The following AGPAT3 variants were observed in gnomAD, a reference collection of about 807,000 sequenced individuals.
AGPAT3 encodes 1-acyl-sn-glycerol-3-phosphate acyltransferase gamma.
AGPAT3 carries 5 observed loss-of-function variants against 47.3 expected under a neutral mutation model. That is an observed-to-expected ratio of 0.11 (90% CI 0.06 to 0.22). The LOEUF is 0.22. Among genes scored for constraint, AGPAT3 ranks in the 10% least tolerant of loss-of-function variants. The pLI, the probability that AGPAT3 is intolerant of heterozygous loss-of-function variation, is 1.00. For synonymous variants in AGPAT3, 212 were observed against 208.3 expected, an observed-to-expected ratio of 1.02 and a Z score of -0.15; for missense variants, 315 against 493.0, an observed-to-expected ratio of 0.64 and a Z score of 3.42.
intron 1 of AGPAT3, among the ~76,000 whole-genome samples, chr21:43,896,235 A>G (rs920466608): frequency 6.6e-6 from 1 of 152,244 alleles, no homozygotes; most frequent in Non-Finnish European, 1.5e-5. Context: ...TGAGCATACC[A>G]GGATTTTTGC....
rs538772284 is a variant in AGPAT3 at position 43,932,349 on chromosome 21, G to T, written c.-48-27285G>T. 7.2e-5 allele frequency among the ~76,000 whole-genome samples: 11 copies of T among 152,290 alleles called. No individual in the cohort carries two copies. The highest frequency in any genetic ancestry group is 2.6e-4 in the African/African-American group (11 of 41,556). The stretch of plus-strand genomic sequence containing the variant: ...GTTTCCGATTCCTCGTGTGAGTGAG[G>T]TCGTGCAGGACTTGTCGTTCTGTGA... On this transcript the variant is annotated intron_variant, in intron 2 of 9. Coordinates refer to ENST00000291572, the MANE Select transcript of AGPAT3 (RefSeq NM_020132.5). This position sits in a 1 kb window ranked among gnomAD's most constrained non-coding sequence, Gnocchi z 5.2.
intron 2 of AGPAT3, among the ~76,000 whole-genome samples, chr21:43,905,912 G>A (rs1326679125): frequency 6.6e-6 from 1 of 152,240 alleles, no homozygotes; most frequent in African/African-American, 2.4e-5. Flanking sequence ...TCTGTCAGGT[G>A]CAGGGTGTGG....
chr21:43,959,589 G>A (rs1179856066), intron 2 of AGPAT3, 45 bp from the exon 3 acceptor site: 1 of 1,567,992 alleles, frequency 6.4e-7, no homozygotes, highest in Non-Finnish European at 8.7e-7. Context: ...CTGTGAGGGT[G>A]TGGGCGTGGC....
At chr21:43,915,552 C>T (rs1348462785) in intron 2 of AGPAT3, among the ~76,000 whole-genome samples, 1 of 150,650 alleles carries the variant, frequency 6.6e-6, no homozygotes, top group Non-Finnish European at 1.5e-5. Context: ...GCTGGGATTA[C>T]AGGCATGCAC....
At chr21:43,964,581 GA>G (rs1352091060) in intron 3 of AGPAT3, among the ~76,000 whole-genome samples, 1 of 151,632 alleles carries the variant, frequency 6.6e-6, no homozygotes, top group Non-Finnish European at 1.5e-5. Context: ...AAAAGATAAA[GA>G]AAAAAAGGTA....
intron 2 of AGPAT3, among the ~76,000 whole-genome samples, chr21:43,944,158 C>G (rs1340472357): frequency 1.3e-5 from 2 of 152,274 alleles, no homozygotes; most frequent in Non-Finnish European, 2.9e-5. Context: ...GCATTTCACC[C>G]ACGTGGCAGA....
intron 2 of AGPAT3, chr21:43,947,160 C>G (rs1480982024): frequency 6.6e-6 from 1 of 152,532 alleles, no homozygotes; most frequent in Non-Finnish European, 1.5e-5. Flanking sequence ...CCAGCTCCAC[C>G]TCCTCCCTGC....
chr21:43,944,534 C>T (rs1041583033), intron 2 of AGPAT3, among the ~76,000 whole-genome samples: 1 of 152,262 alleles, frequency 6.6e-6, no homozygotes, highest in African/African-American at 2.4e-5. Flanking sequence ...AAGGCCGCCC[C>T]TCCTCCTAAG....
At chr21:43,976,392 G>C (rs918367586) in intron 7 of AGPAT3, among the ~76,000 whole-genome samples, 1 of 152,170 alleles carries the variant, frequency 6.6e-6, no homozygotes, top group Non-Finnish European at 1.5e-5. Flanking sequence ...TAGAGATGGG[G>C]TTTCACCATG....
Position 43,925,927 on chromosome 21 carries a change from C to T in AGPAT3, c.-49+21908C>T, listed in dbSNP as rs944657625. On this transcript the variant is annotated intron_variant, in intron 2 of 9. Coordinates refer to ENST00000291572, the MANE Select transcript of AGPAT3 (RefSeq NM_020132.5). Reference sequence around the variant, plus strand: ...GAGCTGGCCTCTCTGGTGTGGTGGCCGCCGGCGCCATGTAGCTGCCTGCCC... The same window carrying T: ...GAGCTGGCCTCTCTGGTGTGGTGGCTGCCGGCGCCATGTAGCTGCCTGCCC... Among the ~76,000 whole-genome samples the T allele has an allele frequency of 6.6e-5, 10 of 152,234 alleles. No individual in the cohort carries two copies. The South Asian group carries it at 8.3e-4, about 13-fold the overall frequency.
At chr21:43,980,275 C>CAAAA (rs1223637093) in intron 8 of AGPAT3, among the ~76,000 whole-genome samples, 1 of 54,624 alleles carries the variant, frequency 1.8e-5, no homozygotes, top group African/African-American at 7.1e-5. Context: ...GACTCCATCT[C>CAAAA]AAAAAAAAAA....
intron 1 of AGPAT3, among the ~76,000 whole-genome samples, chr21:43,898,001 C>T (rs905714523): frequency 9.2e-5 from 14 of 152,140 alleles, no homozygotes; most frequent in East Asian, 5.8e-4. Flanking sequence ...CATGGCGGCG[C>T]GCGCCTGCAA....
At chr21:43,968,993 G>A in intron 4 of AGPAT3, 125 bp from the exon 5 acceptor site, 3 of 1,009,792 alleles carry the variant, frequency 3.0e-6, no homozygotes, top group Non-Finnish European at 4.3e-6. Context: ...CAGACCCCCT[G>A]AGCCACAAAG....
At chr21:43,940,697 G>A (rs1343817963) in intron 2 of AGPAT3, among the ~76,000 whole-genome samples, 1 of 152,250 alleles carries the variant, frequency 6.6e-6, no homozygotes, top group Non-Finnish European at 1.5e-5. Flanking sequence ...CTGTAGGATG[G>A]CTGATTTACA....
intron 2 of AGPAT3, among the ~76,000 whole-genome samples, chr21:43,904,532 T>G (rs1601262583): frequency 2.0e-5 from 3 of 150,474 alleles, no homozygotes; most frequent in South Asian, 4.3e-4. Context: ...TCCTGGGGGG[T>G]CGGTGCCCTG....
At chr21:43,977,974 T>A in intron 7 of AGPAT3, 72 bp from the exon 8 acceptor site, 1 of 1,275,776 alleles carries the variant, frequency 7.8e-7, no homozygotes, top group Non-Finnish European at 1.1e-6. Context: ...CACGACATGT[T>A]CCCCTGTGCC....
chr21:43,955,186 G>A lies in AGPAT3; in HGVS notation c.-48-4448G>A, dbSNP rs754874335. 5 of 1,266,732 alleles carry A rather than the reference G, an allele frequency of 3.9e-6. No homozygotes were observed. Among genetic ancestry groups the A allele is most frequent in the East Asian group, 6.0e-5 (1 of 16,618 alleles). The allele number at this position is 1,266,732 out of a possible 1,614,324, so 78.5% of individuals were successfully genotyped here. A position where few individuals can be genotyped will look rare whatever the true frequency, so the allele number is the denominator to read the frequency against. ...CCCGGGGCCGTCTCAGAAGCACCGC[G>A]CTGGACCGGCTGGGCCAGATGCCAT... On this transcript the variant is annotated intron_variant, in intron 2 of 9. Transcript: ENST00000291572. The surrounding 1 kb of genome is among the most constrained non-coding windows in gnomAD (Gnocchi z 4.1).
At chr21:43,878,366 GCGGC>G (rs1397555243) in intron 1 of AGPAT3, among the ~76,000 whole-genome samples, 4 of 152,204 alleles carry the variant, frequency 2.6e-5, no homozygotes, top group Non-Finnish European at 5.9e-5. Context: ...CTCTGTCTCT[GCGGC>G]CTGCCCGCTT....
chr21:43,971,603 G>C (rs1168346995), intron 7 of AGPAT3, 113 bp downstream of exon 7: 1 of 952,798 alleles, frequency 1.0e-6, no homozygotes, highest in African/African-American at 1.6e-5. Flanking sequence ...AGCCCCGCAG[G>C]GTGGAACTCA....
Sources: allele counts gnomAD v4.1 joint callset (sites outside exome capture counted in the v4.1 genomes callset), GRCh38; gene constraint gnomAD v4.1.1; non-coding constraint Gnocchi (gnomAD v3.1); transcripts MANE v1.5; gene names NCBI Gene and HGNC (gene_info 2026-07-23, HGNC 2026-07-21).